The following JARID2 variants were observed in gnomAD, a reference collection of about 807,000 sequenced individuals.
The protein encoded by JARID2 is jumonji and AT-rich interaction domain containing 2.
In JARID2, 21 loss-of-function variants were observed where a neutral mutation model predicts 125.6. The ratio of observed to expected loss-of-function variants is 0.17; its 90% confidence interval spans 0.12 to 0.24. JARID2 has a LOEUF of 0.24. Among genes scored for constraint, JARID2 ranks in the 10% least tolerant of loss-of-function variants. The probability of loss-of-function intolerance (pLI) is 1.00; values close to 1 mark genes in which losing one functional copy is unlikely to be tolerated. For missense variants in JARID2, 1,303 were observed against 1,639.6 expected (o/e 0.79, Z 3.55); for synonymous variants, 736 against 661.6 (o/e 1.11, Z -1.73).
chr6:15,298,179 G>A (rs944010352), intron 1 of JARID2, among the ~76,000 whole-genome samples: 1 of 152,160 alleles, frequency 6.6e-6, no homozygotes, highest in Non-Finnish European at 1.5e-5. Context: ...TGTAGTTTAA[G>A]TCATTTCTTT....
intron 3 of JARID2, among the ~76,000 whole-genome samples, chr6:15,433,969 T>TCA (rs1176209248): frequency 7.7e-6 from 1 of 129,892 alleles, no homozygotes; most frequent in African/African-American, 3.1e-5. Context: ...TGTGTGTGTG[T>TCA]GTCAGGAGTA....
chr6:15,419,718 G>A (rs886997651), intron 3 of JARID2, among the ~76,000 whole-genome samples: 7 of 152,156 alleles, frequency 4.6e-5, no homozygotes, highest in Non-Finnish European at 8.8e-5. Flanking sequence ...CCACTGTCCC[G>A]ATGTGCATCA....
At chr6:15,413,176 T>G (rs1303672470) in intron 3 of JARID2, among the ~76,000 whole-genome samples, 1 of 152,016 alleles carries the variant, frequency 6.6e-6, no homozygotes, top group Admixed American at 6.6e-5. Flanking sequence ...TGCGCCACTA[T>G]GCCCGGCTAA....
At chr6:15,381,163 C>A (rs577795552) in intron 2 of JARID2, among the ~76,000 whole-genome samples, 2 of 150,794 alleles carry the variant, frequency 1.3e-5, no homozygotes, top group South Asian at 4.2e-4. Flanking sequence ...ACCATCCTGG[C>A]TAACATGGTG....
chr6:15,508,274 TTAC>T, intron 11 of JARID2, 63 bp from the exon 12 acceptor site: 1 of 808,748 alleles, frequency 1.2e-6, no homozygotes, highest in Non-Finnish European at 2.2e-6. Flanking sequence ...AGATTTTTAC[TTAC>T]TGTTCCTTTG....
intron 9 of JARID2, among the ~76,000 whole-genome samples, 183 bp from the exon 10 acceptor site, chr6:15,506,953 G>A (rs190300125): frequency 6.6e-6 from 1 of 152,208 alleles, no homozygotes; most frequent in South Asian, 2.1e-4. Flanking sequence ...CTGAGGATAT[G>A]CCTGGAGGTG....
chr6:15,497,263 C>G (rs545106109), intron 7 of JARID2, 93 bp downstream of exon 7: 1 of 990,094 alleles, frequency 1.0e-6, no homozygotes, highest in Non-Finnish European at 1.5e-6. Flanking sequence ...TCTTCCCTTG[C>G]GAAAGCTCCA....
intron 1 of JARID2, among the ~76,000 whole-genome samples, chr6:15,259,907 G>A (rs919368599): frequency 1.1e-4 from 17 of 152,150 alleles, no homozygotes; most frequent in Middle Eastern, 3.2e-3. Context: ...GCAAAAAAGG[G>A]ACAGTCAGAT....
intron 1 of JARID2, among the ~76,000 whole-genome samples, chr6:15,289,798 A>G (rs1157072614): frequency 2.0e-5 from 3 of 152,188 alleles, no homozygotes; most frequent in Admixed American, 6.5e-5. Flanking sequence ...GTAAGCTGAG[A>G]TGGTGCCACT....
chr6:15,257,609 A>C (rs2127311783), intron 1 of JARID2, among the ~76,000 whole-genome samples: 1 of 152,328 alleles, frequency 6.6e-6, no homozygotes, highest in South Asian at 2.1e-4. Context: ...GTTTGCACTC[A>C]ACTCTAAATT....
chr6:15,443,186 T>TG (rs1390215882), intron 3 of JARID2, among the ~76,000 whole-genome samples: 1 of 152,040 alleles, frequency 6.6e-6, no homozygotes, highest in Non-Finnish European at 1.5e-5. Context: ...GTCTTCCTGA[T>TG]GTGGTGGTGA....
At chr6:15,470,785 T>C (rs1485000834) in intron 5 of JARID2, among the ~76,000 whole-genome samples, 1 of 152,224 alleles carries the variant, frequency 6.6e-6, no homozygotes, top group Non-Finnish European at 1.5e-5. Flanking sequence ...TGTACGGATG[T>C]AATTTCTAAG....
At position 15,303,976 on chromosome 6, in the gene JARID2, C is replaced by T. The variant is rs6936087; in HGVS notation, c.45+57392C>T. On this transcript the variant is annotated intron_variant, in intron 1 of 17. Coordinates refer to ENST00000341776, the MANE Select transcript of JARID2 (RefSeq NM_004973.4). ...CAACAACAGTGATAATTCGTTTAAG[C>T]TGTGTGACTCTAGGCACGTTGCTTA... is the stretch of plus-strand genomic sequence containing the variant. 6.5e-3 allele frequency among the ~76,000 whole-genome samples: 994 copies of T among 152,238 alleles called. 8 individuals are homozygous for T. The highest frequency in any genetic ancestry group is 0.022 in the African/African-American group (930 of 41,530).
intron 6 of JARID2, among the ~76,000 whole-genome samples, chr6:15,493,661 C>G (rs1413008422): frequency 6.6e-6 from 1 of 151,904 alleles, no homozygotes; most frequent in Non-Finnish European, 1.5e-5. Context: ...TTCCCCCACC[C>G]CCACCCAGCC....
intron 1 of JARID2, among the ~76,000 whole-genome samples, chr6:15,254,537 G>T (rs1759578835): frequency 1.3e-5 from 2 of 152,222 alleles, no homozygotes; most frequent in African/African-American, 4.8e-5. Context: ...GGACAGATGC[G>T]GGTGTTAGAG....
At chr6:15,339,732 A>G (rs1392999506) in intron 1 of JARID2, among the ~76,000 whole-genome samples, 1 of 151,898 alleles carries the variant, frequency 6.6e-6, no homozygotes, top group Non-Finnish European at 1.5e-5. Context: ...ACAGGGTTTC[A>G]CCATGTTGGT....
rs559762350 is a variant in JARID2, at chr6:15,246,311, A to AT, written c.-220dup. 2.7e-4 allele frequency: 154 copies of AT among 563,646 alleles called. No homozygotes were observed. Among genetic ancestry groups the AT allele is most frequent in the Admixed American group, 5.8e-4 (17 of 29,150 alleles). 34.9% of individuals were successfully genotyped at this position (563,646 alleles called of 1,614,324 possible). A position where few individuals can be genotyped will look rare whatever the true frequency, so the allele number is the denominator to read the frequency against. On this transcript the variant is annotated 5_prime_UTR_variant, in exon 1 of 18. Transcript: ENST00000341776. Reference sequence around the variant, plus strand: ...CATTATGAGTGTTTTACTAAAGTGAATTTTTTTTTGTTTGCTTCGTTCGTC... The same window carrying AT: ...CATTATGAGTGTTTTACTAAAGTGAATTTTTTTTTTGTTTGCTTCGTTCGTC...
chr6:15,370,830 A>G (rs529893768), intron 1 of JARID2, among the ~76,000 whole-genome samples: 42 of 152,190 alleles, frequency 2.8e-4, no homozygotes, highest in East Asian at 9.6e-4. Context: ...ATTATAAGGT[A>G]AGGATGATTC....
chr6:15,251,871 G>C (rs1043571210), intron 1 of JARID2, among the ~76,000 whole-genome samples: 1 of 152,086 alleles, frequency 6.6e-6, no homozygotes, highest in African/African-American at 2.4e-5. Flanking sequence ...CCAGCTACTC[G>C]GGAGGCTGAG....
Sources: allele counts gnomAD v4.1 joint callset (sites outside exome capture counted in the v4.1 genomes callset), GRCh38; gene constraint gnomAD v4.1.1; transcripts MANE v1.5; gene names NCBI Gene and HGNC (gene_info 2026-07-23, HGNC 2026-07-21).